The following XKR9 variants were observed in gnomAD, a reference collection of about 807,000 sequenced individuals.
XKR9 encodes the protein XK related 9.
A neutral mutation model predicts 32.0 loss-of-function variants in XKR9; 32 were observed. The ratio of observed to expected loss-of-function variants is 1.00; its 90% confidence interval spans 0.76 to 1.34. The LOEUF is 1.34. Among genes scored for constraint, XKR9 ranks in the 40% most tolerant of loss-of-function variants. The pLI is 0.00. For missense variants in XKR9, 546 were observed against 429.7 expected (o/e 1.27, Z -2.39); for synonymous variants, 168 against 143.4 (o/e 1.17, Z -1.22).
chr8:70,726,283 T>A (rs1806467804), intron 4 of XKR9, among the ~76,000 whole-genome samples: 3 of 152,198 alleles, frequency 2.0e-5, no homozygotes, highest in African/African-American at 7.2e-5. Flanking sequence ...TGAAACAATG[T>A]TGAATACCTT....
the XKR9 span, among the ~76,000 whole-genome samples, chr8:70,813,770 A>G: frequency 1.8e-4 from 28 of 152,176 alleles, no homozygotes; most frequent in Admixed American, 3.3e-4. Context: ...TTAGAATGGC[A>G]ATCATTAAAA....
chr8:70,937,559 A>G, the XKR9 span, among the ~76,000 whole-genome samples: 1 of 152,074 alleles, frequency 6.6e-6, no homozygotes, highest in Non-Finnish European at 1.5e-5. Context: ...GAATTGTGCA[A>G]TTGACTAAAG....
the XKR9 span, among the ~76,000 whole-genome samples, chr8:70,860,297 A>G: frequency 6.6e-6 from 1 of 152,058 alleles, no homozygotes; most frequent in Non-Finnish European, 1.5e-5. Flanking sequence ...CCTTATAAGA[A>G]GCCAGTGAGC....
At chr8:70,987,084 C>A in the XKR9 span, among the ~76,000 whole-genome samples, 5 of 152,138 alleles carry the variant, frequency 3.3e-5, no homozygotes, top group African/African-American at 1.2e-4. Context: ...AGTTATCTCC[C>A]ACTGGGTCCC....
chr8:70,802,837 G>T, the XKR9 span, among the ~76,000 whole-genome samples: 3 of 152,168 alleles, frequency 2.0e-5, no homozygotes, highest in South Asian at 6.2e-4. Context: ...TAGCCTGATG[G>T]GCTCCCTTGT....
At chr8:70,998,271 T>C in the XKR9 span, among the ~76,000 whole-genome samples, 6 of 152,246 alleles carry the variant, frequency 3.9e-5, no homozygotes, top group African/African-American at 1.4e-4. Flanking sequence ...ATTATCTAAT[T>C]ACTTCATGAA....
the XKR9 span, among the ~76,000 whole-genome samples, chr8:71,061,666 G>T: frequency 5.3e-5 from 8 of 152,288 alleles, no homozygotes; most frequent in African/African-American, 1.9e-4. Context: ...GAGAGAAATG[G>T]CAGAGCAGGA....
intron 3 of XKR9, among the ~76,000 whole-genome samples, chr8:70,687,318 C>CTTTCTT (rs1819321389): frequency 2.1e-5 from 2 of 95,566 alleles, no homozygotes; most frequent in African/African-American, 9.2e-5. Context: ...CTCCCTCTTT[C>CTTTCTT]TTTCTTTCTT....
chr8:70,858,884 A>G, the XKR9 span, among the ~76,000 whole-genome samples: 1 of 152,104 alleles, frequency 6.6e-6, no homozygotes, highest in Admixed American at 6.6e-5. Context: ...TAAATCTAAG[A>G]CTCAGAACTA....
the XKR9 span, among the ~76,000 whole-genome samples, chr8:70,843,802 A>G: frequency 6.6e-6 from 1 of 152,118 alleles, no homozygotes; most frequent in African/African-American, 2.4e-5. Flanking sequence ...CAGAGAGAGA[A>G]TTCATCCTGG....
At chr8:71,010,537 A>G in the XKR9 span, among the ~76,000 whole-genome samples, 1 of 152,090 alleles carries the variant, frequency 6.6e-6, no homozygotes, top group Non-Finnish European at 1.5e-5. Flanking sequence ...CTTTCCTATT[A>G]TCTTGTGTTC....
At chr8:70,687,322 C>CTT (rs774894855) in intron 3 of XKR9, among the ~76,000 whole-genome samples, 3 of 100,786 alleles carry the variant, frequency 3.0e-5, no homozygotes, top group African/African-American at 1.3e-4. Flanking sequence ...CTCTTTCTTT[C>CTT]TTTCTTTCTT....
rs529307674 is a variant in XKR9, at chr8:70,728,867, A to G, written c.494-4929A>G. On this transcript the variant is annotated intron_variant, in intron 4 of 4. Transcript: ENST00000408926. ...CTCTGTTCCATAAGGAATCTCGGAT[A>G]AGATATTTTAAAGCCGAGCACAGCC... Among the ~76,000 whole-genome samples, 6 of 152,350 alleles carry G rather than the reference A, an allele frequency of 3.9e-5. No homozygotes were observed. The East Asian group carries it at 1.2e-3, about 29-fold the overall frequency.
chr8:70,800,537 G>T, the XKR9 span, among the ~76,000 whole-genome samples: 2 of 152,158 alleles, frequency 1.3e-5, no homozygotes, highest in East Asian at 3.8e-4. Context: ...CCACGCTGGA[G>T]TGCAGTGGGG....
chr8:70,901,631 G>A, the XKR9 span, among the ~76,000 whole-genome samples: 1 of 152,162 alleles, frequency 6.6e-6, no homozygotes, highest in Non-Finnish European at 1.5e-5. Context: ...TCTGATGGTA[G>A]TTTCTTTTGC....
the XKR9 span, among the ~76,000 whole-genome samples, chr8:70,813,785 A>G: frequency 2.6e-5 from 4 of 152,252 alleles, no homozygotes; most frequent in African/African-American, 4.8e-5. Flanking sequence ...TTAAAAAGTC[A>G]GGAAACAACA....
the XKR9 span, among the ~76,000 whole-genome samples, chr8:70,797,049 A>G: frequency 1.3e-5 from 2 of 152,206 alleles, no homozygotes; most frequent in Admixed American, 6.5e-5. Flanking sequence ...ATTGGGTTCA[A>G]ATAGTGGTTG....
chr8:71,057,298 C>T, the XKR9 span, among the ~76,000 whole-genome samples: 2 of 152,274 alleles, frequency 1.3e-5, no homozygotes, highest in East Asian at 1.9e-4. Context: ...TGTTCATCCA[C>T]AGAACTGTCA....
chr8:70,902,226 C>A, the XKR9 span, among the ~76,000 whole-genome samples: 2 of 152,164 alleles, frequency 1.3e-5, no homozygotes, highest in African/African-American at 4.8e-5. Context: ...GGCATTGAAT[C>A]TATAAATTAT....
Sources: gnomAD v4.1 joint callset for allele counts (sites outside exome capture counted in the v4.1 genomes callset) on GRCh38, gnomAD v4.1.1 for gene constraint, MANE v1.5 for transcripts, NCBI Gene and HGNC (gene_info 2026-07-23, HGNC 2026-07-21) for gene names.